NELL2: variants seen among roughly 807,000 people sequenced by gnomAD.
NELL2 encodes protein kinase C-binding protein NELL2.
In NELL2, 41 loss-of-function variants were observed where a neutral mutation model predicts 109.6. That is an observed-to-expected ratio of 0.37 (90% CI 0.29 to 0.49). The LOEUF (loss-of-function observed/expected upper bound fraction) is 0.49, where lower values mean the gene tolerates loss of function less well. Ranked by LOEUF, NELL2 falls within the 20% of genes least tolerant of loss-of-function variation. The pLI, the probability that NELL2 is intolerant of heterozygous loss-of-function variation, is 0.98. For synonymous variants in NELL2, 355 were observed against 344.7 expected, an observed-to-expected ratio of 1.03 and a Z score of -0.33; for missense variants, 900 against 1,008.3, an observed-to-expected ratio of 0.89 and a Z score of 1.45.
In NELL2 at chr12:44,700,442, G is replaced by C. The variant is rs143701003; in HGVS notation, c.1318+3284C>G. On this transcript the variant is annotated intron_variant, in intron 12 of 19. Coordinates refer to ENST00000429094, the MANE Select transcript of NELL2 (RefSeq NM_001145108.2). The stretch of plus-strand genomic sequence containing the variant: ...TCTTTAGTGTGACCTTCAAGATCCT[G>C]CTTCTCATTATCAGTCTCACTGGGC... 3.2e-4 allele frequency among the ~76,000 whole-genome samples: 48 copies of C among 152,198 alleles called. 1 individual carries two copies. The East Asian group carries it at 8.9e-3, about 28-fold the overall frequency.
intron 15 of NELL2, among the ~76,000 whole-genome samples, chr12:44,562,028 C>T (rs538980225): frequency 6.0e-5 from 9 of 150,956 alleles, no homozygotes; most frequent in African/African-American, 2.2e-4. Flanking sequence ...TATCTGTCAA[C>T]ATTCATTGAC....
chr12:44,617,691 C>CAAAAAAAAAAA lies in NELL2; in HGVS notation c.1445-6732_1445-6722dup, dbSNP rs975070930. Among the ~76,000 whole-genome samples the CAAAAAAAAAAA allele has an allele frequency of 1.1e-3, 24 of 22,372 alleles. 1 individual carries two copies. The highest frequency in any genetic ancestry group is 2.7e-3 in the East Asian group (2 of 732). 14.7% of individuals were successfully genotyped at this position (22,372 alleles called of 152,430 possible). On this transcript the variant is annotated intron_variant, in intron 13 of 19. Transcript: ENST00000429094. ...TGGGCGACAGAGCGAGACTCCGTCTCAAAAAAAAAAAAAAAAAAAAAAGAA... is the reference window on the plus strand; with the variant it reads ...TGGGCGACAGAGCGAGACTCCGTCTCAAAAAAAAAAAAAAAAAAAAAAAAAAAAAAAAAGAA...
intron 8 of NELL2, among the ~76,000 whole-genome samples, chr12:44,775,251 G>A (rs192799202): frequency 6.1e-5 from 9 of 148,228 alleles, no homozygotes; most frequent in Admixed American, 2.0e-4. Context: ...ATGTGCGTGC[G>A]CACGCACACA....
intron 9 of NELL2, among the ~76,000 whole-genome samples, chr12:44,763,622 C>T (rs957708786): frequency 2.0e-5 from 3 of 152,126 alleles, no homozygotes; most frequent in African/African-American, 7.2e-5. Flanking sequence ...TATCCAGGGC[C>T]ATCTGCAAAC....
chr12:44,760,012 T>C (rs192592562), intron 9 of NELL2, among the ~76,000 whole-genome samples: 2 of 152,362 alleles, frequency 1.3e-5, no homozygotes, highest in East Asian at 3.9e-4. Context: ...TCTTTCTCTC[T>C]ACCTTAGGTT....
intron 13 of NELL2, among the ~76,000 whole-genome samples, chr12:44,650,749 CTCTG>C (rs1197620640): frequency 9.7e-6 from 1 of 103,368 alleles, no homozygotes. Flanking sequence ...CCAGAGAGGT[CTCTG>C]TCTTTCTTTC....
chr12:44,606,189 T>A lies in NELL2; in HGVS notation c.1663+980A>T, dbSNP rs1487406186. Among the ~76,000 whole-genome samples, 4 of 152,256 alleles carry A rather than the reference T, an allele frequency of 2.6e-5. No homozygotes were observed. The South Asian group carries it at 8.3e-4, about 32-fold the overall frequency. On this transcript the variant is annotated intron_variant, in intron 15 of 19. Coordinates refer to ENST00000429094, the MANE Select transcript of NELL2 (RefSeq NM_001145108.2). ...GATGTAAGCCCTTTTGTGAGCATCC[T>A]TCTGTGCACAGTAGCAGATTCTATT...
intron 13 of NELL2, among the ~76,000 whole-genome samples, chr12:44,636,684 C>T (rs1431682163): frequency 6.6e-6 from 1 of 152,082 alleles, no homozygotes; most frequent in East Asian, 1.9e-4. Context: ...ATTTGTTTTG[C>T]CAGCATTTTA....
upstream of NELL2, chr12:44,877,013 G>C (rs1158511886): frequency 1.0e-5 from 5 of 494,476 alleles, no homozygotes; most frequent in Non-Finnish European, 1.4e-5. Context: ...TCCGGAACCC[G>C]CGCGCCCCCT....
At chr12:44,610,163 G>A (rs1945558372) in intron 14 of NELL2, among the ~76,000 whole-genome samples, 2 of 151,272 alleles carry the variant, frequency 1.3e-5, no homozygotes, top group South Asian at 4.2e-4. Context: ...AGCTAAAATA[G>A]GAAACTATAA....
intron 9 of NELL2, among the ~76,000 whole-genome samples, chr12:44,754,935 A>C (rs993278537): frequency 9.9e-5 from 15 of 152,200 alleles, no homozygotes; most frequent in Non-Finnish European, 2.9e-5. Flanking sequence ...AAAAACTCAA[A>C]TATCTCTTGC....
rs563483500 is a variant in NELL2, at chr12:44,708,589, T to A, written c.1189+2703A>T. The stretch of plus-strand genomic sequence containing the variant: ...TAAGCCTTGAAAACTTGACTTCTTT[T>A]AGTTTGAAAGTTAGAAAATGCCAGG... On this transcript the variant is annotated intron_variant, in intron 11 of 19. Transcript: ENST00000429094. Among the ~76,000 whole-genome samples, 4 of 152,332 alleles carry A rather than the reference T, an allele frequency of 2.6e-5. No homozygotes were observed. The East Asian group carries it at 7.7e-4, about 29-fold the overall frequency.
chr12:44,653,063 C>T (rs1947359189), intron 13 of NELL2, among the ~76,000 whole-genome samples: 2 of 152,148 alleles, frequency 1.3e-5, no homozygotes, highest in Non-Finnish European at 2.9e-5. Flanking sequence ...TCTGAAAAAT[C>T]CCTTGTGCCA....
chr12:44,712,471 T>C (rs2136437224), intron 10 of NELL2, among the ~76,000 whole-genome samples: 1 of 152,054 alleles, frequency 6.6e-6, no homozygotes. Context: ...TGTGTTACTA[T>C]GAAAGTCACA....
At chr12:44,767,082 G>A (rs545348614) in intron 9 of NELL2, among the ~76,000 whole-genome samples, 5 of 152,090 alleles carry the variant, frequency 3.3e-5, no homozygotes, top group South Asian at 2.1e-4. Context: ...TCCGTGTTAC[G>A]TCTACCGGAA....
chr12:44,522,197 G>A, intron 17 of NELL2, 21 bp from the exon 18 acceptor site: 1 of 1,607,404 alleles, frequency 6.2e-7, no homozygotes, highest in Non-Finnish European at 8.5e-7. Context: ...AAGAAAAAAA[G>A]CAGTTACCAA....
chr12:44,628,890 T>A (rs1946357874), intron 13 of NELL2, among the ~76,000 whole-genome samples: 1 of 152,194 alleles, frequency 6.6e-6, no homozygotes, highest in Admixed American at 6.5e-5. Flanking sequence ...TATGCCTTTG[T>A]CTATATGTCA....
intron 12 of NELL2, among the ~76,000 whole-genome samples, chr12:44,682,461 G>A (rs1269157239): frequency 6.6e-6 from 1 of 152,032 alleles, no homozygotes; most frequent in African/African-American, 2.4e-5. Context: ...TGTTGCCATT[G>A]CTTTTGGTGT....
upstream of NELL2, chr12:44,876,429 A>T: frequency 2.3e-6 from 3 of 1,280,856 alleles, no homozygotes; most frequent in East Asian, 3.0e-5. Flanking sequence ...GCCGGCGCTC[A>T]GCGTCGGTCT....
Sources: gnomAD v4.1 joint callset for allele counts (sites outside exome capture counted in the v4.1 genomes callset) on GRCh38, gnomAD v4.1.1 for gene constraint, MANE v1.5 for transcripts, NCBI Gene and HGNC (gene_info 2026-07-23, HGNC 2026-07-21) for gene names.